CLDN23: variants seen among roughly 807,000 people sequenced by gnomAD.
CLDN23 encodes the protein claudin-23.
CLDN23 carries 3 observed loss-of-function variants against 1.4 expected under a neutral mutation model. That is an observed-to-expected ratio of 2.10 (90% CI 0.96 to 5.43). The LOEUF (loss-of-function observed/expected upper bound fraction) is 5.43. Ranked by LOEUF, CLDN23 falls within the 30% of genes most tolerant of loss-of-function variation. CLDN23 has a pLI of 0.02. For synonymous variants in CLDN23, 291 were observed against 209.9 expected (o/e 1.39, Z -3.34); for missense variants, 597 against 433.5 (o/e 1.38, Z -3.35).
At position 8,703,023 on chromosome 8, in the gene CLDN23, C is replaced by G. The variant is rs1342633131; in HGVS notation, c.625C>G (p.Gln209Glu). ...TCGCCGCAGCAGCGTCAGCACCATC[C>G]AAGTGGAGTGGCCCGAGCCCGACCT... ...GPRRSSVSTIQVEWPEPDLAP... is the reference protein window; with the variant it reads ...GPRRSSVSTIEVEWPEPDLAP... The change falls in exon 1 of 1, where the codon CAA becomes GAA. Residue 209 changes from glutamine (Q) to glutamate (E), a missense_variant. Gln to Glu is a conservative substitution (Grantham distance 29). Transcript: ENST00000519106. The G allele has an allele frequency of 6.4e-7, 1 of 1,554,414 alleles. No homozygotes were observed. Among genetic ancestry groups the G allele is most frequent in the Non-Finnish European group, 8.6e-7 (1 of 1,156,742 alleles).
Position 8,703,250 on chromosome 8 carries a change from C to G in CLDN23, c.852C>G (p.Ser284Arg), listed in dbSNP as rs1407900244. 3 of 1,410,722 alleles carry G rather than the reference C, an allele frequency of 2.1e-6. No individual in the cohort carries two copies. The highest frequency in any genetic ancestry group is 3.0e-5 in the Admixed American group (1 of 32,860). The allele number at this position is 1,410,722 out of a possible 1,614,324, so 87.4% of individuals were successfully genotyped here. ...APSCSTHPCD[S>R]SLPCDSDL Reference sequence around the variant, plus strand: ...CGTGCAGCACCCACCCCTGCGACAGCTCGCTGCCCTGCGACTCCGACCTCT... The same window carrying G: ...CGTGCAGCACCCACCCCTGCGACAGGTCGCTGCCCTGCGACTCCGACCTCT... Residue 284 changes from serine to arginine, a missense_variant, in exon 1 of 1, where the codon AGC (serine) becomes AGG (arginine). Ser to Arg is a moderately radical substitution (Grantham distance 110, BLOSUM62 -1). Coordinates refer to ENST00000519106, the MANE Select transcript of CLDN23 (RefSeq NM_194284.3).
Position 8,702,272 on chromosome 8 carries a change from C to A in CLDN23, c.-127C>A. 2 of 1,061,196 alleles carry A rather than the reference C, an allele frequency of 1.9e-6. No individual in the cohort carries two copies. The highest frequency in any genetic ancestry group is 1.7e-5 in the African/African-American group (1 of 60,178). 65.7% of individuals were successfully genotyped at this position (1,061,196 alleles called of 1,614,324 possible). A position where few individuals can be genotyped will look rare whatever the true frequency, so the allele number is the denominator to read the frequency against. On this transcript the variant is annotated 5_prime_UTR_variant, in exon 1 of 1. Transcript: ENST00000519106. The stretch of plus-strand genomic sequence containing the variant: ...AGGGCTCAGGAGCCCGACCCGGAGC[C>A]CGGGGCGTCCGCGCTGACTTCGGGT...
rs1802741172 is a variant in CLDN23 at position 8,702,223 on chromosome 8, A to T, written c.-176A>T. Reference sequence around the variant, plus strand: ...AGTGGGGACGGTCCCCGTGCAGGAGACAAAGAGCGTCCCTGGAGCGATCAG... The same window carrying T: ...AGTGGGGACGGTCCCCGTGCAGGAGTCAAAGAGCGTCCCTGGAGCGATCAG... On this transcript the variant is annotated 5_prime_UTR_variant, in exon 1 of 1. Coordinates refer to ENST00000519106, the MANE Select transcript of CLDN23 (RefSeq NM_194284.3). The T allele has an allele frequency of 1.8e-6, 1 of 558,662 alleles. No homozygotes were observed. The highest frequency in any genetic ancestry group is 2.9e-6 in the Non-Finnish European group (1 of 344,128). 34.6% of individuals were successfully genotyped at this position (558,662 alleles called of 1,614,324 possible).
chr8:8,703,392 G>T lies in CLDN23; in HGVS notation c.*115G>T. The stretch of plus-strand genomic sequence containing the variant: ...CCCTCACTGGTGTGGATGGAAATCT[G>T]CCTTTCGTGGGACCAAACAGGACTC... On this transcript the variant is annotated 3_prime_UTR_variant, in exon 1 of 1. Transcript: ENST00000519106. 9.4e-7 allele frequency: 1 copy of T among 1,068,528 alleles called. No individual in the cohort carries two copies. The highest frequency in any genetic ancestry group is 1.2e-6 in the Non-Finnish European group (1 of 815,892). The allele number at this position is 1,068,528 out of a possible 1,614,324, so 66.2% of individuals were successfully genotyped here. A position where few individuals can be genotyped will look rare whatever the true frequency, so the allele number is the denominator to read the frequency against.
chr8:8,702,750 G>A lies in CLDN23; in HGVS notation c.352G>A (p.Gly118Ser), dbSNP rs1166855321. Reference protein sequence around the residue: ...EPNFVLAGLSGVVLFVAGLLG... With the variant: ...EPNFVLAGLSSVVLFVAGLLG... ...CAACTTCGTGCTGGCAGGGCTCTCG[G>A]GCGTCGTGCTCTTCGTCGCTGGCCT... Residue 118 changes from glycine (G) to serine (S), a missense_variant, in exon 1 of 1, where the codon GGC becomes AGC. Gly to Ser is a moderately conservative substitution (Grantham distance 56, BLOSUM62 0). Transcript: ENST00000519106. The A allele has an allele frequency of 6.2e-7, 1 of 1,609,832 alleles. No homozygotes were observed.
chr8:8,703,327 A>T lies in CLDN23; in HGVS notation c.*50A>T, dbSNP rs1474195848. On this transcript the variant is annotated 3_prime_UTR_variant, in exon 1 of 1. Transcript: ENST00000519106. ...CGGGTGGCAAAGGACTCACCCCCGC[A>T]CAGGCCCGCCTGGCTTCGAGTTGGA... 2.3e-6 allele frequency: 3 copies of T among 1,323,528 alleles called. No individual in the cohort carries two copies. The South Asian group carries it at 7.0e-5, about 31-fold the overall frequency. 82.0% of individuals were successfully genotyped at this position (1,323,528 alleles called of 1,614,324 possible).
chr8:8,703,177 C>T lies in CLDN23; in HGVS notation c.779C>T (p.Ser260Leu), dbSNP rs557539750. The change falls in exon 1 of 1, where the codon TCG becomes TTG. Residue 260 changes from serine to leucine, a missense_variant. Transcript: ENST00000519106. ...PRPRPKAYTNSVDVLDGEGWE... is the reference protein window; with the variant it reads ...PRPRPKAYTNLVDVLDGEGWE... ...CCGCGGCCCAAGGCCTACACCAACTCGGTGGACGTCCTCGACGGGGAGGGG... is the reference window on the plus strand; with the variant it reads ...CCGCGGCCCAAGGCCTACACCAACTTGGTGGACGTCCTCGACGGGGAGGGG... 6.6e-7 allele frequency: 1 copy of T among 1,511,524 alleles called. No homozygotes were observed. Among genetic ancestry groups the T allele is most frequent in the East Asian group, 2.6e-5 (1 of 38,992 alleles). 93.6% of individuals were successfully genotyped at this position (1,511,524 alleles called of 1,614,324 possible). A position where few individuals can be genotyped will look rare whatever the true frequency, so the allele number is the denominator to read the frequency against.
In CLDN23 at chr8:8,702,206, C is replaced by G; in HGVS notation, c.-193C>G. ...AGGAGGGAACTAGCCTAAGTGGGGACGGTCCCCGTGCAGGAGACAAAGAGC... is the reference window on the plus strand; with the variant it reads ...AGGAGGGAACTAGCCTAAGTGGGGAGGGTCCCCGTGCAGGAGACAAAGAGC... On this transcript the variant is annotated 5_prime_UTR_variant, in exon 1 of 1. Transcript: ENST00000519106. The G allele has an allele frequency of 2.1e-6, 1 of 480,868 alleles. No individual in the cohort carries two copies. The highest frequency in any genetic ancestry group is 3.5e-6 in the Non-Finnish European group (1 of 285,604). The allele number at this position is 480,868 out of a possible 1,614,324, so 29.8% of individuals were successfully genotyped here.
rs11781257 is a variant in CLDN23, at chr8:8,702,153, A to T, written c.-246A>T. 97,799 of 375,902 alleles carry T rather than the reference A, an allele frequency of 0.26. 13,727 individuals are homozygous for T. The highest frequency in any genetic ancestry group is 0.41 in the East Asian group (10,580 of 25,668). 23.3% of individuals were successfully genotyped at this position (375,902 alleles called of 1,614,324 possible). On this transcript the variant is annotated 5_prime_UTR_variant, in exon 1 of 1. Coordinates refer to ENST00000519106, the MANE Select transcript of CLDN23 (RefSeq NM_194284.3). ...CCGCGGGCTGGTTTCGATTAGGGCC[A>T]GTAGGAGGGCGGAGCGGCCGGGACG...
In CLDN23 at chr8:8,702,619, C is replaced by T; in HGVS notation, c.221C>T (p.Ala74Val). Residue 74 changes from alanine (A) to valine (V), a missense_variant, in exon 1 of 1, where the codon GCC (alanine) becomes GTC (valine). Transcript: ENST00000519106. ...GQTDQWGYFE[A>V]QPVLVARALM... ...ACGGACCAGTGGGGCTACTTCGAGG[C>T]CCAGCCCGTGCTGGTGGCGCGGGCA... 6.2e-7 allele frequency: 1 copy of T among 1,604,850 alleles called. No homozygotes were observed. The highest frequency in any genetic ancestry group is 8.5e-7 in the Non-Finnish European group (1 of 1,175,884).
Position 8,703,358 on chromosome 8 carries a change from G to C in CLDN23, c.*81G>C, listed in dbSNP as rs926465150. ...CCGCCTGGCTTCGAGTTGGAACCCG[G>C]ACACTTGCCCCTCACTGGTGTGGAT... On this transcript the variant is annotated 3_prime_UTR_variant, in exon 1 of 1. Transcript: ENST00000519106. 33 of 1,261,014 alleles carry C rather than the reference G, an allele frequency of 2.6e-5. No individual in the cohort carries two copies. The African/African-American group carries it at 3.4e-4, about 13-fold the overall frequency. 78.1% of individuals were successfully genotyped at this position (1,261,014 alleles called of 1,614,324 possible).
In CLDN23 at chr8:8,702,962, T is replaced by C; in HGVS notation, c.564T>C (p.Arg188=). The change falls in exon 1 of 1, where the codon CGT becomes CGC. Residue 188 remains arginine, a synonymous_variant. Coordinates refer to ENST00000519106, the MANE Select transcript of CLDN23 (RefSeq NM_194284.3). ...GCTTCGCGCCCTGGTGCGACGAGCGTTGTCGCCGCCGCCGCAAGGGACCCT... is the reference window on the plus strand; with the variant it reads ...GCTTCGCGCCCTGGTGCGACGAGCGCTGTCGCCGCCGCCGCAAGGGACCCT... ...ALSFAPWCDE[R]CRRRRKGPSA... is the part of the protein sequence containing the mutation. 2 of 1,564,374 alleles carry C rather than the reference T, an allele frequency of 1.3e-6. No individual in the cohort carries two copies. The highest frequency in any genetic ancestry group is 1.7e-6 in the Non-Finnish European group (2 of 1,160,494).
At position 8,703,398 on chromosome 8, in the gene CLDN23, C is replaced by G. The variant is rs73192453; in HGVS notation, c.*121C>G. ...CTGGTGTGGATGGAAATCTGCCTTTCGTGGGACCAAACAGGACTCCTTGGA... is the reference window on the plus strand; with the variant it reads ...CTGGTGTGGATGGAAATCTGCCTTTGGTGGGACCAAACAGGACTCCTTGGA... On this transcript the variant is annotated 3_prime_UTR_variant, in exon 1 of 1. Coordinates refer to ENST00000519106, the MANE Select transcript of CLDN23 (RefSeq NM_194284.3). The G allele has an allele frequency of 2.9e-6, 3 of 1,025,328 alleles. No individual in the cohort carries two copies. The highest frequency in any genetic ancestry group is 3.9e-6 in the Non-Finnish European group (3 of 776,730). The allele number at this position is 1,025,328 out of a possible 1,614,324, so 63.5% of individuals were successfully genotyped here.
Position 8,702,588 on chromosome 8 carries a change from G to A in CLDN23, c.190G>A (p.Gly64Ser), listed in dbSNP as rs1431012555. ...GCAGAGCAGCCGCGAGCGCGAGTGC[G>A]GCCAGACGGACCAGTGGGGCTACTT... ...REQSSREREC[G>S]QTDQWGYFEA... Residue 64 changes from glycine to serine, a missense_variant, in exon 1 of 1, where the codon GGC becomes AGC. By Grantham distance (56) the Gly-to-Ser change is moderately conservative (BLOSUM62 0). Transcript: ENST00000519106. The A allele has an allele frequency of 8.1e-6, 13 of 1,609,090 alleles. No homozygotes were observed. Among genetic ancestry groups the A allele is most frequent in the East Asian group, 4.5e-5 (2 of 44,756 alleles).
At position 8,702,478 on chromosome 8, in the gene CLDN23, C is replaced by G. The variant is rs371447820; in HGVS notation, c.80C>G (p.Ala27Gly). 6.2e-7 allele frequency: 1 copy of G among 1,607,878 alleles called. No homozygotes were observed. Among genetic ancestry groups the G allele is most frequent in the Non-Finnish European group, 8.5e-7 (1 of 1,178,012 alleles). Residue 27 changes from alanine (A) to glycine (G), a missense_variant, in exon 1 of 1, where the codon GCG becomes GGG. Ala to Gly is a moderately conservative substitution (Grantham distance 60). Transcript: ENST00000519106. ...CTGCTCAACCTGACCGGCACCCTGG[C>G]GCCCGGCTGGCGGCTGGTGAAGGGC... ...GLLLNLTGTL[A>G]PGWRLVKGFL...
Position 8,702,852 on chromosome 8 carries a change from G to C in CLDN23, c.454G>C (p.Val152Leu), listed in dbSNP as rs1225714973. The C allele has an allele frequency of 6.2e-7, 1 of 1,605,280 alleles. No individual in the cohort carries two copies. Among genetic ancestry groups the C allele is most frequent in the East Asian group, 2.2e-5 (1 of 44,758 alleles). The change falls in exon 1 of 1, where the codon GTC becomes CTC. Residue 152 changes from valine to leucine, a missense_variant. Val to Leu is a conservative substitution (Grantham distance 32, BLOSUM62 1). Coordinates refer to ENST00000519106, the MANE Select transcript of CLDN23 (RefSeq NM_194284.3). ...CGTGCTGCCCGCCCCGGCCAGCCCG[G>C]TCACGGTGCAGGTCAGCTACAGCCT... ...RDVLPAPASPVTVQVSYSLVL... is the reference protein window; with the variant it reads ...RDVLPAPASPLTVQVSYSLVL...
Position 8,702,788 on chromosome 8 carries a change from C to G in CLDN23, c.390C>G (p.Ile130Met). The G allele has an allele frequency of 6.2e-7, 1 of 1,610,958 alleles. No homozygotes were observed. The highest frequency in any genetic ancestry group is 8.5e-7 in the Non-Finnish European group (1 of 1,179,570). The change falls in exon 1 of 1, where the codon ATC (isoleucine) becomes ATG (methionine). Residue 130 changes from isoleucine (I) to methionine (M), a missense_variant. Transcript: ENST00000519106. ...TCGTCGCTGGCCTCCTCGGCCTCAT[C>G]CCGGTGTCCTGGTACAACCACTTCT... ...VLFVAGLLGL[I>M]PVSWYNHFLG...
Position 8,702,341 on chromosome 8 carries a change from A to C in CLDN23, c.-58A>C. The C allele has an allele frequency of 6.9e-7, 1 of 1,457,690 alleles. No homozygotes were observed. The highest frequency in any genetic ancestry group is 9.0e-7 in the Non-Finnish European group (1 of 1,110,324). The allele number at this position is 1,457,690 out of a possible 1,614,324, so 90.3% of individuals were successfully genotyped here. A position where few individuals can be genotyped will look rare whatever the true frequency, so the allele number is the denominator to read the frequency against. Reference sequence around the variant, plus strand: ...GGCAGGGAGAAGACGACGGCGGAGAAGGCGACAGCGGAGAAGGAAGGCAGG... The same window carrying C: ...GGCAGGGAGAAGACGACGGCGGAGACGGCGACAGCGGAGAAGGAAGGCAGG... On this transcript the variant is annotated 5_prime_UTR_variant, in exon 1 of 1. Coordinates refer to ENST00000519106, the MANE Select transcript of CLDN23 (RefSeq NM_194284.3).
chr8:8,702,395 C>A lies in CLDN23; in HGVS notation c.-4C>A. ...CAGGGGCGCCGTCGGCGCGGCGGGCCGGGATGCGGACGCCGGTGGTGATGA... is the reference window on the plus strand; with the variant it reads ...CAGGGGCGCCGTCGGCGCGGCGGGCAGGGATGCGGACGCCGGTGGTGATGA... On this transcript the variant is annotated 5_prime_UTR_variant, in exon 1 of 1. Transcript: ENST00000519106. 1.4e-6 allele frequency: 2 copies of A among 1,478,014 alleles called. No individual in the cohort carries two copies. Among genetic ancestry groups the A allele is most frequent in the Non-Finnish European group, 1.8e-6 (2 of 1,117,984 alleles). The allele number at this position is 1,478,014 out of a possible 1,614,324, so 91.6% of individuals were successfully genotyped here. A position where few individuals can be genotyped will look rare whatever the true frequency, so the allele number is the denominator to read the frequency against.
Sources: gnomAD v4.1 joint callset for allele counts on GRCh38, gnomAD v4.1.1 for gene constraint, MANE v1.5 for transcripts, NCBI Gene and HGNC (gene_info 2026-07-23, HGNC 2026-07-21) for gene names.